Variants in PPP1R16B observed in about 807,000 individuals in gnomAD.
The protein encoded by PPP1R16B is protein phosphatase 1 regulatory subunit 16B, also known as protein phosphatase 1 regulatory inhibitor subunit 16B.
Under a neutral mutation model 61.7 loss-of-function variants are expected in PPP1R16B, and 14 were observed. The ratio of observed to expected loss-of-function variants is 0.23; its 90% CI spans 0.15 to 0.35. The LOEUF (loss-of-function observed/expected upper bound fraction) is 0.35, where lower values mean the gene tolerates loss of function less well. Ranked by LOEUF, PPP1R16B falls within the 10% of genes least tolerant of loss-of-function variation. The pLI, the probability that PPP1R16B is intolerant of heterozygous loss-of-function variation, is 1.00. For missense variants in PPP1R16B, 547 were observed against 752.5 expected, an observed-to-expected ratio of 0.73 and a Z score of 3.19; for synonymous variants, 266 against 305.3, an observed-to-expected ratio of 0.87 and a Z score of 1.34.
intron 2 of PPP1R16B, among the ~76,000 whole-genome samples, chr20:38,852,025 C>A (rs1362223140): frequency 2.0e-5 from 3 of 152,126 alleles, no homozygotes; most frequent in Non-Finnish European, 2.9e-5. Context: ...AGAGCAAGGC[C>A]CTGTATCTCG....
In PPP1R16B at chr20:38,900,648, A is replaced by G; in HGVS notation, c.535A>G (p.Thr179Ala). ...MPYDLCEDEPTLDVIETCMAY... is the reference protein window; with the variant it reads ...MPYDLCEDEPALDVIETCMAY... ...ATATGACCTCTGCGAGGATGAACCC[A>G]CCCTGGATGTCATCGAGACCTGCAT... Residue 179 changes from threonine to alanine, a missense_variant, in exon 5 of 11, where the codon ACC becomes GCC. Physicochemically the swap from Thr to Ala is moderately conservative, Grantham distance 58. Coordinates refer to ENST00000299824, the MANE Select transcript of PPP1R16B (RefSeq NM_015568.4). 6.3e-7 allele frequency: 1 copy of G among 1,592,722 alleles called. No homozygotes were observed. Among genetic ancestry groups the G allele is most frequent in the Non-Finnish European group, 8.5e-7 (1 of 1,171,582 alleles).
intron 2 of PPP1R16B, among the ~76,000 whole-genome samples, chr20:38,871,900 G>A (rs994636579): frequency 6.6e-5 from 10 of 152,138 alleles, no homozygotes; most frequent in African/African-American, 2.4e-4. Flanking sequence ...AGTAAAGCAG[G>A]CAAGGAACAG....
rs149268401 is a variant in PPP1R16B, at chr20:38,896,187, C to CTTCCCCCT, written c.467+481_467+482insCCCTTTCC. On this transcript the variant is annotated intron_variant, in intron 4 of 10. Coordinates refer to ENST00000299824, the MANE Select transcript of PPP1R16B (RefSeq NM_015568.4). Reference sequence around the variant, plus strand: ...CCTTCCTTCCTTCTTTCTTCCCTCCCTTCCTTCTTTCTTCCCTCCCTCTCT... The same window carrying CTTCCCCCT: ...CCTTCCTTCCTTCTTTCTTCCCTCCCTTCCCCCTTTCCTTCTTTCTTCCCTCCCTCTCT... Among the ~76,000 whole-genome samples the CTTCCCCCT allele has an allele frequency of 1.8e-4, 17 of 95,674 alleles. 1 individual carries two copies. The highest frequency in any genetic ancestry group is 9.3e-4 in the East Asian group (2 of 2,156). 62.8% of individuals were successfully genotyped at this position (95,674 alleles called of 152,430 possible). A position where few individuals can be genotyped will look rare whatever the true frequency, so the allele number is the denominator to read the frequency against.
chr20:38,842,253 T>G (rs1031906665), intron 2 of PPP1R16B, among the ~76,000 whole-genome samples: 4 of 152,248 alleles, frequency 2.6e-5, no homozygotes, highest in Non-Finnish European at 5.9e-5. Context: ...TGTACTGATC[T>G]GTGTTTGTTT....
chr20:38,832,419 A>C (rs539712354), intron 1 of PPP1R16B, among the ~76,000 whole-genome samples: 5 of 152,338 alleles, frequency 3.3e-5, no homozygotes, highest in African/African-American at 1.2e-4. Flanking sequence ...AGGTCTGACT[A>C]TAATAATGAT....
chr20:38,902,540 A>G, intron 5 of PPP1R16B, 128 bp from the exon 6 acceptor site: 1 of 1,293,928 alleles, frequency 7.7e-7, no homozygotes, highest in South Asian at 1.3e-5. Context: ...ATCTATGGGC[A>G]TGTCTGCATG....
intron 2 of PPP1R16B, among the ~76,000 whole-genome samples, chr20:38,878,936 A>G (rs1268325928): frequency 6.6e-6 from 1 of 152,194 alleles, no homozygotes; most frequent in Non-Finnish European, 1.5e-5. Flanking sequence ...AGCGAGTCAG[A>G]AAGAGGCATT....
chr20:38,898,488 A>G (rs545618027), intron 4 of PPP1R16B, among the ~76,000 whole-genome samples: 6 of 152,190 alleles, frequency 3.9e-5, no homozygotes, highest in African/African-American at 1.4e-4. Flanking sequence ...TTCCCTATGA[A>G]TTTTAGAGTA....
intron 3 of PPP1R16B, among the ~76,000 whole-genome samples, chr20:38,895,261 T>G (rs1032837182): frequency 1.3e-5 from 2 of 152,214 alleles, no homozygotes; most frequent in Admixed American, 1.3e-4. Context: ...ATTCAAAATT[T>G]TGTCCCATTT....
rs143754885 is a variant in PPP1R16B, at chr20:38,918,229, C to A, written c.1267C>A (p.Pro423Thr). 13 of 1,614,142 alleles carry A rather than the reference C, an allele frequency of 8.1e-6. No homozygotes were observed. In the African/African-American group the frequency reaches 1.2e-4, roughly 15 times the overall value. The change falls in exon 11 of 11, where the codon CCT (proline) becomes ACT (threonine). Residue 423 changes from proline to threonine, a missense_variant. Transcript: ENST00000299824. The surrounding 1 kb of genome is among the most constrained non-coding windows in gnomAD (Gnocchi z 5.3). ...TKIPRGELDM[P>T]VENGLRAPVS... ...GATCCCACGAGGTGAACTGGACATG[C>A]CTGTTGAGAATGGCCTCCGGGCTCC...
At position 38,917,382 on chromosome 20, in the gene PPP1R16B, C is replaced by T. The variant is rs1378535708; in HGVS notation, c.1195-775C>T. Among the ~76,000 whole-genome samples the T allele has an allele frequency of 1.3e-5, 2 of 151,196 alleles. 1 individual carries two copies. The highest frequency in any genetic ancestry group is 1.3e-4 in the Admixed American group (2 of 15,186). ...CTGTAATATATGTTGAAAATATTTT[C>T]CTAGTTTCTTCATGTGTCTTTTGAC... On this transcript the variant is annotated intron_variant, in intron 10 of 10. Coordinates refer to ENST00000299824, the MANE Select transcript of PPP1R16B (RefSeq NM_015568.4).
Position 38,907,940 on chromosome 20 carries a change from G to C in PPP1R16B, c.1028+5G>C. The C allele has an allele frequency of 6.2e-7, 1 of 1,614,222 alleles. No homozygotes were observed. Among genetic ancestry groups the C allele is most frequent in the Non-Finnish European group, 8.5e-7 (1 of 1,180,032 alleles). On this transcript the variant is annotated splice_donor_5th_base_variant and intron_variant, in intron 9 of 10. Coordinates refer to ENST00000299824, the MANE Select transcript of PPP1R16B (RefSeq NM_015568.4). The surrounding 1 kb of genome is among the most constrained non-coding windows in gnomAD (Gnocchi z 4.5). Reference sequence around the variant, plus strand: ...CTCCAGCGCAGGCAGCCGTGGGTGAGTCCGGGGCAGGGCAGCCAGGAGTCC... The same window carrying C: ...CTCCAGCGCAGGCAGCCGTGGGTGACTCCGGGGCAGGGCAGCCAGGAGTCC...
intron 2 of PPP1R16B, among the ~76,000 whole-genome samples, chr20:38,855,982 A>AAGGAGGAGGAGGAGGAGGAGGAGG (rs1555804355): frequency 0.1 from 3,950 of 38,968 alleles, 1,120 homozygotes; most frequent in Middle Eastern, 0.11. Flanking sequence ...AGAGAGAGAG[A>AAGGAGGAGGAGGAGGAGGAGGAGG]AGGAGGAGGA....
intron 2 of PPP1R16B, among the ~76,000 whole-genome samples, chr20:38,865,610 G>A (rs1446321700): frequency 6.6e-6 from 1 of 152,156 alleles, no homozygotes; most frequent in Non-Finnish European, 1.5e-5. Flanking sequence ...CTTTAGATGC[G>A]TCACCTGGTA....
chr20:38,902,565 A>G, intron 5 of PPP1R16B, 103 bp from the exon 6 acceptor site: 2 of 1,499,058 alleles, frequency 1.3e-6, no homozygotes, highest in Non-Finnish European at 9.1e-7. Flanking sequence ...CTTGACTGGC[A>G]TATCCTAGGG....
At chr20:38,886,173 A>T (rs2145756943) in intron 2 of PPP1R16B, among the ~76,000 whole-genome samples, 1 of 152,326 alleles carries the variant, frequency 6.6e-6, no homozygotes, top group African/African-American at 2.4e-5. Flanking sequence ...TCCTGTGAGT[A>T]GGTGCAGAGC....
chr20:38,908,988 CT>C (rs1179202180), intron 10 of PPP1R16B, among the ~76,000 whole-genome samples: 1 of 152,020 alleles, frequency 6.6e-6, no homozygotes, highest in Non-Finnish European at 1.5e-5. Flanking sequence ...TGTCTGTTTT[CT>C]TTTTTTATTT....
chr20:38,896,177 T>TTCC (rs2085346753), intron 4 of PPP1R16B, among the ~76,000 whole-genome samples: 1 of 92,088 alleles, frequency 1.1e-5, no homozygotes, highest in African/African-American at 5.4e-5. Flanking sequence ...CTTCCTTCTT[T>TTCC]CTTCCCTCCC....
chr20:38,845,953 A>C (rs1318048201), intron 2 of PPP1R16B, among the ~76,000 whole-genome samples: 1 of 152,178 alleles, frequency 6.6e-6, no homozygotes, highest in Non-Finnish European at 1.5e-5. Flanking sequence ...TATGGTGGTC[A>C]CTGGGCGATG....
Sources: allele counts gnomAD v4.1 joint callset (sites outside exome capture counted in the v4.1 genomes callset), GRCh38; gene constraint gnomAD v4.1.1; non-coding constraint Gnocchi (gnomAD v3.1); transcripts MANE v1.5; gene names NCBI Gene and HGNC (gene_info 2026-07-23, HGNC 2026-07-21).